AGBL1: variants seen among roughly 807,000 people sequenced by gnomAD.
AGBL1 encodes cytosolic carboxypeptidase 4.
In AGBL1, 130 loss-of-function variants were observed where a neutral mutation model predicts 118.9. That is an observed-to-expected ratio of 1.09 (90% CI 0.95 to 1.26). The LOEUF (loss-of-function observed/expected upper bound fraction) is 1.26. Among genes scored for constraint, AGBL1 ranks in the 50% most tolerant of loss-of-function variants. The probability of loss-of-function intolerance (pLI) is 0.00; values close to 1 mark genes in which losing one functional copy is unlikely to be tolerated. For synonymous variants in AGBL1, 555 were observed against 478.9 expected (o/e 1.16, Z -2.08); for missense variants, 1,584 against 1,298.1 (o/e 1.22, Z -3.38).
intron 22 of AGBL1, among the ~76,000 whole-genome samples, chr15:86,702,074 C>T (rs1567130077): frequency 6.6e-6 from 1 of 151,726 alleles, no homozygotes; most frequent in African/African-American, 2.4e-5. Flanking sequence ...TCTACTACAA[C>T]AAATTATCAC....
At chr15:86,298,258 T>TG (rs2079681458) in intron 17 of AGBL1, among the ~76,000 whole-genome samples, 105 of 96,242 alleles carry the variant, frequency 1.1e-3, no homozygotes, top group African/African-American at 4.6e-3. Flanking sequence ...TATATATATA[T>TG]ATATATATAT....
At chr15:86,608,755 A>G (rs62012544) in intron 21 of AGBL1, among the ~76,000 whole-genome samples, 3,977 of 152,304 alleles carry the variant, frequency 0.026, 107 homozygotes, top group East Asian at 0.13. Flanking sequence ...TGTGGGCTCA[A>G]GTCAGATCTT....
intron 24 of AGBL1, among the ~76,000 whole-genome samples, chr15:87,028,502 A>G (rs1366874139): frequency 6.6e-6 from 1 of 151,952 alleles, no homozygotes; most frequent in African/African-American, 2.4e-5. Context: ...AATACTTGGA[A>G]TTTACCTAAT....
chr15:87,027,623 G>A (rs1567294117), intron 24 of AGBL1, among the ~76,000 whole-genome samples: 1 of 151,948 alleles, frequency 6.6e-6, no homozygotes, highest in South Asian at 2.1e-4. Flanking sequence ...CGAAGACATG[G>A]AATCAACCTA....
intron 22 of AGBL1, among the ~76,000 whole-genome samples, chr15:86,740,385 C>A (rs952310022): frequency 6.6e-6 from 1 of 152,164 alleles, no homozygotes; most frequent in African/African-American, 2.4e-5. Flanking sequence ...CCAGAAAGTT[C>A]TAAGATTCTT....
chr15:86,515,234 T>C (rs993614813), intron 18 of AGBL1, among the ~76,000 whole-genome samples: 3 of 152,198 alleles, frequency 2.0e-5, no homozygotes, highest in South Asian at 4.1e-4. Context: ...TAATTATACA[T>C]TGAAGAGTTG....
chr15:86,620,294 T>C (rs967509808), intron 21 of AGBL1, among the ~76,000 whole-genome samples: 25 of 152,230 alleles, frequency 1.6e-4, no homozygotes, highest in African/African-American at 5.5e-4. Context: ...TACATTTATA[T>C]AGCACCTTTC....
downstream of AGBL1, among the ~76,000 whole-genome samples, chr15:87,030,380 T>C (rs554290482): frequency 2.0e-5 from 3 of 152,144 alleles, no homozygotes; most frequent in African/African-American, 7.2e-5. Context: ...ATAATTTTTA[T>C]TTCTACTGGG....
At chr15:86,424,514 C>T (rs1408011485) in intron 18 of AGBL1, among the ~76,000 whole-genome samples, 2 of 152,140 alleles carry the variant, frequency 1.3e-5, no homozygotes, top group African/African-American at 4.8e-5. Flanking sequence ...AAAGCAATGG[C>T]AACAAAAGCC....
chr15:86,716,923 AGTT>A (rs2086647885), intron 22 of AGBL1, among the ~76,000 whole-genome samples: 1 of 152,224 alleles, frequency 6.6e-6, no homozygotes, highest in Admixed American at 6.5e-5. Context: ...ATTTGGGAGA[AGTT>A]GTTTTATCAT....
chr15:86,898,460 T>C (rs919153057), intron 22 of AGBL1, among the ~76,000 whole-genome samples: 4 of 152,160 alleles, frequency 2.6e-5, no homozygotes, highest in Admixed American at 1.3e-4. Context: ...ATTGAATAGG[T>C]AGTCTTTTTC....
At chr15:86,985,785 A>T (rs2081275581) in intron 23 of AGBL1, among the ~76,000 whole-genome samples, 1 of 152,170 alleles carries the variant, frequency 6.6e-6, no homozygotes, top group Admixed American at 6.5e-5. Flanking sequence ...TTGCTGTTGT[A>T]TCTAAACTGT....
At chr15:86,378,052 A>G (rs2081063590) in intron 17 of AGBL1, among the ~76,000 whole-genome samples, 1 of 152,202 alleles carries the variant, frequency 6.6e-6, no homozygotes, top group Non-Finnish European at 1.5e-5. Context: ...CCTGGGCTTC[A>G]TGCTTCATTT....
intron 22 of AGBL1, among the ~76,000 whole-genome samples, chr15:86,863,901 T>G (rs2141486143): frequency 6.6e-6 from 1 of 152,324 alleles, no homozygotes; most frequent in Admixed American, 6.5e-5. Context: ...CATAGGTTTG[T>G]TACGTGAAGT....
intron 21 of AGBL1, among the ~76,000 whole-genome samples, chr15:86,574,570 A>ATTT (rs776642678): frequency 0.073 from 6,121 of 83,484 alleles, 131 homozygotes; most frequent in African/African-American, 0.093. Context: ...AAAAGTTTTA[A>ATTT]TTTTTTTTTT....
intron 23 of AGBL1, among the ~76,000 whole-genome samples, chr15:86,972,313 G>T (rs1424826924): frequency 1.3e-5 from 2 of 151,940 alleles, no homozygotes; most frequent in African/African-American, 2.4e-5. Context: ...CCTGAAATAG[G>T]CCTTGCTATT....
At chr15:86,341,864 T>G (rs574603259) in intron 17 of AGBL1, among the ~76,000 whole-genome samples, 1 of 152,282 alleles carries the variant, frequency 6.6e-6, no homozygotes, top group African/African-American at 2.4e-5. Flanking sequence ...AGTAACACTT[T>G]TTTTTAAGAC....
At chr15:86,558,788 TC>T (rs766167508) in intron 21 of AGBL1, among the ~76,000 whole-genome samples, 2 of 152,156 alleles carry the variant, frequency 1.3e-5, no homozygotes, top group Non-Finnish European at 2.9e-5. Context: ...AACAAAGCCC[TC>T]TACTACAAAA....
intron 22 of AGBL1, among the ~76,000 whole-genome samples, chr15:86,890,787 T>C (rs1248058172): frequency 1.3e-5 from 2 of 152,218 alleles, no homozygotes; most frequent in South Asian, 2.1e-4. Context: ...TTGTGGTTAC[T>C]GTAGCCTTGT....
Sources: allele counts gnomAD v4.1 joint callset (sites outside exome capture counted in the v4.1 genomes callset), GRCh38; gene constraint gnomAD v4.1.1; transcripts MANE v1.5; gene names NCBI Gene and HGNC (gene_info 2026-07-23, HGNC 2026-07-21).